The following LRIG2 variants were observed in gnomAD, a reference collection of about 807,000 sequenced individuals.
LRIG2 encodes leucine rich repeats and immunoglobulin like domains 2, also known as leucine-rich repeats and immunoglobulin-like domains protein 2.
LRIG2 carries 93 observed loss-of-function variants against 107.8 expected under a neutral mutation model. The ratio of observed to expected loss-of-function variants is 0.86; its 90% CI spans 0.73 to 1.03. The LOEUF is 1.03. Ranked by LOEUF, LRIG2 falls within the 50% of genes least tolerant of loss-of-function variation. The pLI is 0.00. For synonymous variants in LRIG2, 471 were observed against 470.6 expected (o/e 1.00, Z -0.01); for missense variants, 1,226 against 1,296.0 (o/e 0.95, Z 0.83).
At chr1:113,094,795 T>C in intron 6 of LRIG2, 40 bp downstream of exon 6, 1 of 1,597,440 alleles carries the variant, frequency 6.3e-7, no homozygotes, top group Admixed American at 1.7e-5. Context: ...AGGAAAGTAG[T>C]CTGTTTGGGA....
rs1219913256 is a variant in LRIG2, at chr1:113,119,308, G to A, written c.2756G>A (p.Cys919Tyr). Residue 919 changes from cysteine (C) to tyrosine (Y), a missense_variant, in exon 17 of 18, where the codon TGT (cysteine) becomes TAT (tyrosine). By Grantham distance (194) the Cys-to-Tyr change is radical. Coordinates refer to ENST00000361127, the MANE Select transcript of LRIG2 (RefSeq NM_014813.3). ...ATCTACTCCAGGACCCGAGAATACT[G>A]TCCATACACCTATATTGCTGAGGAG... ...ANIYSRTREY[C>Y]PYTYIAEEDV... 9 of 1,614,068 alleles carry A rather than the reference G, an allele frequency of 5.6e-6. No homozygotes were observed. The highest frequency in any genetic ancestry group is 7.6e-6 in the Non-Finnish European group (9 of 1,180,010).
chr1:113,080,836 GTTTTT>G (rs1007236694), intron 1 of LRIG2, among the ~76,000 whole-genome samples: 1 of 84,608 alleles, frequency 1.2e-5, no homozygotes, highest in African/African-American at 5.0e-5. Context: ...AACACTAAAA[GTTTTT>G]TTTTTTTTTT....
chr1:113,094,762 A>G lies in LRIG2; in HGVS notation c.803+7A>G, dbSNP rs756554537. On this transcript the variant is annotated splice_region_variant and intron_variant, in intron 6 of 17. Coordinates refer to ENST00000361127, the MANE Select transcript of LRIG2 (RefSeq NM_014813.3). Reference sequence around the variant, plus strand: ...TGAATAACATGGAAGAACTGTAAGTACTCGGGACTAGAGGTGATTATTAGG... The same window carrying G: ...TGAATAACATGGAAGAACTGTAAGTGCTCGGGACTAGAGGTGATTATTAGG... 6.2e-7 allele frequency: 1 copy of G among 1,612,986 alleles called. No individual in the cohort carries two copies. The highest frequency in any genetic ancestry group is 1.7e-5 in the Admixed American group (1 of 59,898).
At chr1:113,079,580 G>A (rs1653159379) in intron 1 of LRIG2, among the ~76,000 whole-genome samples, 1 of 150,588 alleles carries the variant, frequency 6.6e-6, no homozygotes, top group Admixed American at 6.6e-5. Flanking sequence ...TTACTCTGGA[G>A]GCTGAGGCAG....
chr1:113,096,527 C>T (rs564884945), intron 8 of LRIG2, among the ~76,000 whole-genome samples, 162 bp downstream of exon 8: 99 of 152,306 alleles, frequency 6.5e-4, no homozygotes, highest in African/African-American at 2.3e-3. Context: ...TTGTCTCCAT[C>T]CCCATAAAAA....
intron 12 of LRIG2, among the ~76,000 whole-genome samples, chr1:113,109,957 C>G (rs1654700688): frequency 6.6e-6 from 1 of 152,162 alleles, no homozygotes; most frequent in Non-Finnish European, 1.5e-5. Flanking sequence ...ACACAGGTGA[C>G]AGTAAGGGCT....
At position 113,077,084 on chromosome 1, in the gene LRIG2, G is replaced by A. The variant is rs1178779785; in HGVS notation, c.239+3439G>A. On this transcript the variant is annotated intron_variant, in intron 1 of 17. Transcript: ENST00000361127. ...CGCTTCTATAGATTATATAGATTTA[G>A]CTTTATGAAATAAAAGTAACCTTTT... 2.0e-5 allele frequency among the ~76,000 whole-genome samples: 3 copies of A among 151,896 alleles called. No individual in the cohort carries two copies. In the East Asian group the frequency reaches 5.8e-4, roughly 29 times the overall value.
At position 113,128,324 on chromosome 1, in the gene LRIG2, A is replaced by G. The variant is rs1319702035; in HGVS notation, c.*4223A>G. On this transcript the variant is annotated 3_prime_UTR_variant, in exon 18 of 18. Transcript: ENST00000361127. ...CTGCGATCCCTCTTCTTCCTTTCTT[A>G]CTAGATTATGGTGTAGTTTGTACTA... 3.3e-5 allele frequency: 5 copies of G among 151,998 alleles called. No homozygotes were observed. The highest frequency in any genetic ancestry group is 7.4e-5 in the Non-Finnish European group (5 of 68,008). 9.4% of individuals were successfully genotyped at this position (151,998 alleles called of 1,614,324 possible).
In LRIG2 at chr1:113,080,107, G is replaced by A. The variant is rs538862483; in HGVS notation, c.239+6462G>A. 2.0e-4 allele frequency among the ~76,000 whole-genome samples: 27 copies of A among 133,704 alleles called. No individual in the cohort carries two copies. In the South Asian group the frequency reaches 2.2e-3, roughly 11 times the overall value. 87.7% of individuals were successfully genotyped at this position (133,704 alleles called of 152,430 possible). On this transcript the variant is annotated intron_variant, in intron 1 of 17. Coordinates refer to ENST00000361127, the MANE Select transcript of LRIG2 (RefSeq NM_014813.3). ...ACAATCTCGGCTCACTGCAACCTCC[G>A]CCTCCCAGGTTCAAGCGATTCTCCT... is the stretch of plus-strand genomic sequence containing the variant.
At chr1:113,109,835 A>G (rs1390404990) in intron 12 of LRIG2, among the ~76,000 whole-genome samples, 1 of 152,206 alleles carries the variant, frequency 6.6e-6, no homozygotes, top group African/African-American at 2.4e-5. Context: ...ATGTTTATCT[A>G]TCACATACAT....
intron 1 of LRIG2, among the ~76,000 whole-genome samples, chr1:113,080,183 G>C (rs1447962558): frequency 6.6e-6 from 1 of 150,814 alleles, no homozygotes; most frequent in East Asian, 2.0e-4. Context: ...ACCTCACCCA[G>C]CTAATTTTTG....
rs746341683 is a variant in LRIG2, at chr1:113,124,181, C to T, written c.*80C>T. Reference sequence around the variant, plus strand: ...CTACCTCAGAGCTCAGAAGAAACTCCGAAGTCAGCATTTGCTTTACTCTTT... The same window carrying T: ...CTACCTCAGAGCTCAGAAGAAACTCTGAAGTCAGCATTTGCTTTACTCTTT... On this transcript the variant is annotated 3_prime_UTR_variant, in exon 18 of 18. Coordinates refer to ENST00000361127, the MANE Select transcript of LRIG2 (RefSeq NM_014813.3). 8.9e-6 allele frequency: 11 copies of T among 1,229,086 alleles called. No individual in the cohort carries two copies. The highest frequency in any genetic ancestry group is 2.6e-4 in the Middle Eastern group (1 of 3,852). The allele number at this position is 1,229,086 out of a possible 1,614,324, so 76.1% of individuals were successfully genotyped here. A position where few individuals can be genotyped will look rare whatever the true frequency, so the allele number is the denominator to read the frequency against.
chr1:113,089,093 C>T (rs371783190), intron 1 of LRIG2, among the ~76,000 whole-genome samples: 1 of 152,082 alleles, frequency 6.6e-6, no homozygotes, highest in Non-Finnish European at 1.5e-5. Flanking sequence ...ACTGATAGGC[C>T]GGCATGAATC....
intron 1 of LRIG2, among the ~76,000 whole-genome samples, chr1:113,075,742 C>T (rs1406891940): frequency 7.5e-6 from 1 of 133,102 alleles, no homozygotes; most frequent in East Asian, 2.2e-4. Context: ...GTTGCCCAGG[C>T]TGGAGTGCAA....
intron 16 of LRIG2, among the ~76,000 whole-genome samples, chr1:113,118,224 C>A (rs981830505): frequency 5.3e-5 from 8 of 152,188 alleles, no homozygotes; most frequent in Non-Finnish European, 8.8e-5. Context: ...TGGCCTGTTG[C>A]ATGATTTTGA....
Position 113,107,603 on chromosome 1 carries a change from C to T in LRIG2, c.1323C>T (p.Asn441=), listed in dbSNP as rs537777769. The change falls in exon 12 of 18, where the codon AAC becomes AAT. Residue 441 remains asparagine, a synonymous_variant. Transcript: ENST00000361127. ...SQTHLKELIL[N]TSSLLCDCHL... ...CTTTTCTTTCCTGCAGGATTCTGAA[C>T]ACAAGCAGTTTGCTCTGTGACTGCC... is the stretch of plus-strand genomic sequence containing the variant. 7 of 1,608,458 alleles carry T rather than the reference C, an allele frequency of 4.4e-6. No homozygotes were observed. The African/African-American group carries it at 9.4e-5, about 22-fold the overall frequency.
intron 9 of LRIG2, among the ~76,000 whole-genome samples, chr1:113,099,621 G>A (rs1310423896): frequency 1.3e-5 from 2 of 152,108 alleles, no homozygotes. Flanking sequence ...CACTTAAAGA[G>A]AAGTTATTTA....
At chr1:113,078,901 A>G (rs544429345) in intron 1 of LRIG2, among the ~76,000 whole-genome samples, 66 of 152,222 alleles carry the variant, frequency 4.3e-4, no homozygotes, top group Middle Eastern at 6.8e-3. Context: ...CGGCCTCCCA[A>G]AGTGTTGGGA....
intron 1 of LRIG2, among the ~76,000 whole-genome samples, chr1:113,074,401 T>G (rs756501369): frequency 6.6e-6 from 1 of 152,216 alleles, no homozygotes; most frequent in East Asian, 1.9e-4. Flanking sequence ...TTCTGGAGTT[T>G]CCACTGTTGA....
Sources: allele counts gnomAD v4.1 joint callset (sites outside exome capture counted in the v4.1 genomes callset), GRCh38; gene constraint gnomAD v4.1.1; transcripts MANE v1.5; gene names NCBI Gene and HGNC (gene_info 2026-07-23, HGNC 2026-07-21).